PARD3B: variants seen among roughly 807,000 people sequenced by gnomAD.
PARD3B encodes partitioning defective 3 homolog B.
Under a neutral mutation model 130.2 loss-of-function variants are expected in PARD3B, and 103 were observed. The observed-to-expected ratio is 0.79, with a 90% CI of 0.67 to 0.93. The LOEUF (loss-of-function observed/expected upper bound fraction) is 0.93. PARD3B is among the 40% of genes least tolerant of loss of function. PARD3B has a pLI of 0.00. For synonymous variants in PARD3B, 583 were observed against 553.2 expected (o/e 1.05, Z -0.76); for missense variants, 1,609 against 1,499.2 (o/e 1.07, Z -1.21).
rs143270148 is a variant in PARD3B at position 205,505,893 on chromosome 2, C to A, written c.3180+5862C>A. ...CGCCCAACCTTTTTAAAAAAAAATT[C>A]TTTGGCTAAATTAGAAGAAAGTTTA... On this transcript the variant is annotated intron_variant, in intron 21 of 22. Transcript: ENST00000406610. Among the ~76,000 whole-genome samples the A allele has an allele frequency of 2.6e-3, 391 of 152,178 alleles. 1 individual carries two copies. Among genetic ancestry groups the A allele is most frequent in the African/African-American group, 8.5e-3 (354 of 41,536 alleles).
chr2:205,409,652 T>C (rs139133163), intron 19 of PARD3B, among the ~76,000 whole-genome samples: 4 of 152,312 alleles, frequency 2.6e-5, no homozygotes, highest in African/African-American at 9.6e-5. Flanking sequence ...ATACATAAAA[T>C]GAATCACTTG....
At chr2:204,777,112 G>C (rs1423395827) in intron 2 of PARD3B, among the ~76,000 whole-genome samples, 1 of 152,192 alleles carries the variant, frequency 6.6e-6, no homozygotes, top group African/African-American at 2.4e-5. Context: ...GATTGGTGAA[G>C]TCTAAGAATT....
At chr2:205,014,596 G>A (rs567852849) in intron 3 of PARD3B, among the ~76,000 whole-genome samples, 6 of 152,186 alleles carry the variant, frequency 3.9e-5, no homozygotes, top group Admixed American at 2.6e-4. Flanking sequence ...CTATGATTGA[G>A]ATTATCTTGG....
chr2:205,384,222 T>C (rs1048323710), intron 18 of PARD3B, among the ~76,000 whole-genome samples: 1 of 152,086 alleles, frequency 6.6e-6, no homozygotes, highest in Admixed American at 6.6e-5. Flanking sequence ...TACTTCTTCT[T>C]CCCTCAACTA....
intron 3 of PARD3B, among the ~76,000 whole-genome samples, chr2:205,008,495 A>G (rs760097228): frequency 2.6e-5 from 4 of 152,130 alleles, no homozygotes; most frequent in Non-Finnish European, 4.4e-5. Flanking sequence ...GACCTTTGAC[A>G]TTAATATAAT....
chr2:205,586,505 G>T (rs1023770662), intron 22 of PARD3B, among the ~76,000 whole-genome samples: 3 of 152,068 alleles, frequency 2.0e-5, no homozygotes, highest in Non-Finnish European at 2.9e-5. Flanking sequence ...GTTCCTTATG[G>T]TCTGGCCTGA....
At chr2:205,428,840 G>C (rs1380289278) in intron 19 of PARD3B, among the ~76,000 whole-genome samples, 1 of 152,052 alleles carries the variant, frequency 6.6e-6, no homozygotes, top group African/African-American at 2.4e-5. Flanking sequence ...CAGAGAAAAG[G>C]CTGAGAAATA....
At chr2:204,857,934 A>G (rs2045020424) in intron 2 of PARD3B, among the ~76,000 whole-genome samples, 1 of 152,180 alleles carries the variant, frequency 6.6e-6, no homozygotes, top group South Asian at 2.1e-4. Flanking sequence ...ATATCCTTCT[A>G]CAGATCCTTA....
At chr2:204,985,700 A>G (rs1693073666) in intron 3 of PARD3B, among the ~76,000 whole-genome samples, 1 of 152,152 alleles carries the variant, frequency 6.6e-6, no homozygotes. Context: ...ACAATTGATG[A>G]AGCCCCGTGT....
chr2:204,988,323 A>C (rs1486530886), intron 3 of PARD3B, among the ~76,000 whole-genome samples: 1 of 152,178 alleles, frequency 6.6e-6, no homozygotes, highest in Non-Finnish European at 1.5e-5. Context: ...AGAGTAGAAG[A>C]ATGGTTACCA....
chr2:205,269,757 G>A lies in PARD3B; in HGVS notation c.2185+23935G>A, dbSNP rs193061268. ...ATCTGAAGAGTACTTACCAAGTTGA[G>A]CAAGCAAGGGGAAATGGATAAGCTA... On this transcript the variant is annotated intron_variant, in intron 16 of 22. Transcript: ENST00000406610. The surrounding 1 kb of genome is among the most constrained non-coding windows in gnomAD (Gnocchi z 4.7). 6.6e-6 allele frequency among the ~76,000 whole-genome samples: 1 copy of A among 152,246 alleles called. No individual in the cohort carries two copies. The highest frequency in any genetic ancestry group is 6.5e-5 in the Admixed American group (1 of 15,284).
intron 2 of PARD3B, among the ~76,000 whole-genome samples, chr2:204,869,056 T>C (rs1174804457): frequency 6.6e-6 from 1 of 152,164 alleles, no homozygotes; most frequent in Non-Finnish European, 1.5e-5. Context: ...TGTAGGCTGT[T>C]TGAGGTTGAT....
intron 2 of PARD3B, among the ~76,000 whole-genome samples, chr2:204,889,150 G>A (rs1294694417): frequency 6.6e-6 from 1 of 152,100 alleles, no homozygotes; most frequent in Admixed American, 6.6e-5. Context: ...CTCTAGATTG[G>A]TTTTCTAGAT....
intron 18 of PARD3B, among the ~76,000 whole-genome samples, chr2:205,310,563 C>T (rs978312867): frequency 6.6e-6 from 1 of 152,016 alleles, no homozygotes; most frequent in Non-Finnish European, 1.5e-5. Context: ...CTTTTATACA[C>T]CTCACATATA....
At chr2:204,696,661 C>A (rs920738972) in intron 2 of PARD3B, among the ~76,000 whole-genome samples, 1 of 151,972 alleles carries the variant, frequency 6.6e-6, no homozygotes, top group Non-Finnish European at 1.5e-5. Context: ...TAAGTTGTAG[C>A]GTTTGAAAGT....
intron 16 of PARD3B, among the ~76,000 whole-genome samples, chr2:205,257,635 AT>A (rs2040145814): frequency 6.6e-6 from 1 of 152,198 alleles, no homozygotes; most frequent in Non-Finnish European, 1.5e-5. Flanking sequence ...TAAAAGACTG[AT>A]TTTTCACTTA....
At position 205,598,487 on chromosome 2, in the gene PARD3B, A is replaced by G. The variant is rs554309554; in HGVS notation, c.3261-16969A>G. Among the ~76,000 whole-genome samples, 62 of 152,308 alleles carry G rather than the reference A, an allele frequency of 4.1e-4. 1 individual carries two copies. In the South Asian group the frequency reaches 0.012, roughly 30 times the overall value. On this transcript the variant is annotated intron_variant, in intron 22 of 22. Transcript: ENST00000406610. Reference sequence around the variant, plus strand: ...CATAAAAATAAATTCTTAGAGACCTACAAAGAAACTTAGCCACACAATAAT... The same window carrying G: ...CATAAAAATAAATTCTTAGAGACCTGCAAAGAAACTTAGCCACACAATAAT...
chr2:204,919,468 C>T (rs889022184), intron 2 of PARD3B, among the ~76,000 whole-genome samples: 2 of 152,120 alleles, frequency 1.3e-5, no homozygotes, highest in Non-Finnish European at 2.9e-5. Flanking sequence ...TTGGTTTTGC[C>T]TTGTGTAGAA....
rs11390906 is a variant in PARD3B, at chr2:205,421,136, C to CA, written c.2742-19226dup. Among the ~76,000 whole-genome samples the CA allele has an allele frequency of 0.077, 11,693 of 150,990 alleles. 710 individuals carry two copies. The highest frequency in any genetic ancestry group is 0.17 in the African/African-American group (6,983 of 41,090). On this transcript the variant is annotated intron_variant, in intron 19 of 22. Coordinates refer to ENST00000406610, the MANE Select transcript of PARD3B (RefSeq NM_001302769.2). This position sits in a 1 kb window ranked among gnomAD's most constrained non-coding sequence, Gnocchi z 5.1. ...CAGAGCAAGACTCCATCTCAAAAAA[C>CA]AAAAAAAACAAAACAAAAAAAACGG...
Sources: allele counts gnomAD v4.1 joint callset (sites outside exome capture counted in the v4.1 genomes callset), GRCh38; gene constraint gnomAD v4.1.1; non-coding constraint Gnocchi (gnomAD v3.1); transcripts MANE v1.5; gene names NCBI Gene and HGNC (gene_info 2026-07-23, HGNC 2026-07-21).